The following ERBIN variants were observed in gnomAD, a reference collection of about 807,000 sequenced individuals.
ERBIN encodes erbb2 interacting protein, also known as densin-180-like protein.
ERBIN carries 60 observed loss-of-function variants against 158.4 expected under a neutral mutation model. The observed-to-expected ratio is 0.38, with a 90% confidence interval of 0.31 to 0.47. ERBIN has a LOEUF of 0.47. Among genes scored for constraint, ERBIN ranks in the 20% least tolerant of loss-of-function variants. ERBIN has a pLI of 0.99. For synonymous variants in ERBIN, 594 were observed against 557.2 expected (o/e 1.07, Z -0.93); for missense variants, 1,610 against 1,648.0 (o/e 0.98, Z 0.40).
intron 2 of ERBIN, among the ~76,000 whole-genome samples, chr5:65,991,114 C>T (rs74467276): frequency 0.04 from 6,109 of 152,192 alleles, 414 homozygotes; most frequent in African/African-American, 0.14. Context: ...TTCTTTGTCA[C>T]TTTTAAAATA....
chr5:66,061,271 G>A (rs1760277027), intron 21 of ERBIN, among the ~76,000 whole-genome samples: 1 of 152,172 alleles, frequency 6.6e-6, no homozygotes, highest in Non-Finnish European at 1.5e-5. Context: ...AGTTCTTGTT[G>A]AATTGATCCC....
intron 21 of ERBIN, among the ~76,000 whole-genome samples, chr5:66,064,848 T>C (rs1303474964): frequency 6.6e-6 from 1 of 152,164 alleles, no homozygotes; most frequent in Non-Finnish European, 1.5e-5. Flanking sequence ...AGATATTTGG[T>C]CATTAACCTT....
chr5:65,981,723 A>G (rs1382029377), intron 1 of ERBIN, among the ~76,000 whole-genome samples: 1 of 152,128 alleles, frequency 6.6e-6, no homozygotes, highest in African/African-American at 2.4e-5. Flanking sequence ...TTAAAACGAT[A>G]GCAGTTGACT....
chr5:65,940,180 G>T (rs1744674455), intron 1 of ERBIN, among the ~76,000 whole-genome samples: 1 of 150,478 alleles, frequency 6.6e-6, no homozygotes, highest in Non-Finnish European at 1.5e-5. Context: ...TAAGATGTGG[G>T]GAGCGCCTCT....
At chr5:65,975,068 T>C (rs1436939051) in intron 1 of ERBIN, among the ~76,000 whole-genome samples, 1 of 152,216 alleles carries the variant, frequency 6.6e-6, no homozygotes, top group Non-Finnish European at 1.5e-5. Flanking sequence ...ATTGCAGTGG[T>C]GTGATCTTGG....
rs1286388126 is a variant in ERBIN at position 66,018,506 on chromosome 5, T to TA, written c.534-2816_534-2815insA. On this transcript the variant is annotated intron_variant, in intron 7 of 25. Transcript: ENST00000284037. ...TATATATTATATTATATAATATATA[T>TA]TATATATTATATAATATATATTATA... is the stretch of plus-strand genomic sequence containing the variant. Among the ~76,000 whole-genome samples, 17 of 5,590 alleles carry TA rather than the reference T, an allele frequency of 3.0e-3. 2 individuals carry two copies. The highest frequency in any genetic ancestry group is 9.2e-3 in the African/African-American group (16 of 1,730). The allele number at this position is 5,590 out of a possible 152,430, so 3.7% of individuals were successfully genotyped here. A position where few individuals can be genotyped will look rare whatever the true frequency, so the allele number is the denominator to read the frequency against.
rs190487325 is a variant in ERBIN at position 65,928,246 on chromosome 5, C to G, written c.-58+1440C>G. Among the ~76,000 whole-genome samples the G allele has an allele frequency of 4.8e-3, 686 of 143,366 alleles. 3 individuals carry two copies. The highest frequency in any genetic ancestry group is 9.8e-3 in the South Asian group (44 of 4,476). The allele number at this position is 143,366 out of a possible 152,430, so 94.1% of individuals were successfully genotyped here. ...CCCCGGGGCATGGTCTCAGGAGATTCTTTTTTTTTTTCATTGTTGGTAAGA... is the reference window on the plus strand; with the variant it reads ...CCCCGGGGCATGGTCTCAGGAGATTGTTTTTTTTTTTCATTGTTGGTAAGA... On this transcript the variant is annotated intron_variant, in intron 1 of 25. Coordinates refer to ENST00000284037, the MANE Select transcript of ERBIN (RefSeq NM_001253697.2).
At chr5:66,031,133 A>ATG (rs1756827725) in intron 14 of ERBIN, among the ~76,000 whole-genome samples, 1 of 152,198 alleles carries the variant, frequency 6.6e-6, no homozygotes, top group Admixed American at 6.5e-5. Context: ...TAATTTTGCT[A>ATG]TGAAAGAATG....
At chr5:66,011,560 G>A (rs1327910552) in intron 4 of ERBIN, among the ~76,000 whole-genome samples, 1 of 152,128 alleles carries the variant, frequency 6.6e-6, no homozygotes, top group African/African-American at 2.4e-5. Context: ...GGTGGCGGGC[G>A]CCTGTAATCT....
Position 65,994,750 on chromosome 5 carries a change from C to G in ERBIN, c.193C>G (p.Leu65Val), listed in dbSNP as rs367775865. ...ANQIEELPKQ[L>V]FNCQSLHKLS... ...CTTTCCTCCCTTTTTTCAATAGCAA[C>G]TTTTTAACTGTCAGTCTTTACACAA... The change falls in exon 4 of 26, where the codon CTT becomes GTT. Residue 65 changes from leucine to valine, a missense_variant. Physicochemically the swap from Leu to Val is conservative, Grantham distance 32. This residue lies in a region of ERBIN where 596 missense variants were observed against 711.9 expected (regional missense o/e 0.84). Coordinates refer to ENST00000284037, the MANE Select transcript of ERBIN (RefSeq NM_001253697.2). The G allele has an allele frequency of 6.4e-7, 1 of 1,571,110 alleles. No individual in the cohort carries two copies. Among genetic ancestry groups the G allele is most frequent in the Non-Finnish European group, 8.6e-7 (1 of 1,159,376 alleles).
intron 4 of ERBIN, among the ~76,000 whole-genome samples, chr5:65,999,181 G>C (rs138541190): frequency 4.0e-5 from 6 of 150,888 alleles, no homozygotes; most frequent in African/African-American, 1.5e-4. Flanking sequence ...CCAGCCTGGC[G>C]AATGTGGACC....
chr5:65,949,820 GT>G (rs1040598942), intron 1 of ERBIN, among the ~76,000 whole-genome samples: 107 of 152,186 alleles, frequency 7.0e-4, no homozygotes, highest in African/African-American at 2.6e-3. Context: ...GTTGTATTTA[GT>G]TTTATGTCTT....
intron 21 of ERBIN, chr5:66,068,822 C>T (rs537983599): frequency 6.3e-6 from 9 of 1,435,656 alleles, no homozygotes; most frequent in South Asian, 2.9e-5. Flanking sequence ...TAACATGTCT[C>T]GTGGATTTTG....
At chr5:65,995,362 G>A (rs946543664) in intron 4 of ERBIN, among the ~76,000 whole-genome samples, 1 of 117,612 alleles carries the variant, frequency 8.5e-6, no homozygotes, top group Admixed American at 8.8e-5. Context: ...ATGTAAGTGA[G>A]CTTATGTGGT....
intron 2 of ERBIN, among the ~76,000 whole-genome samples, chr5:65,991,211 A>G (rs1751838439): frequency 6.6e-6 from 1 of 152,232 alleles, no homozygotes; most frequent in Non-Finnish European, 1.5e-5. Context: ...CACTAATACC[A>G]GATCCTGTCT....
chr5:66,072,241 T>C lies in ERBIN; in HGVS notation c.3706T>C (p.Ser1236Pro), dbSNP rs1580545181. ...GIFISGQQNYSSATLSHKDVP... is the reference protein window; with the variant it reads ...GIFISGQQNYPSATLSHKDVP... ...ATTCATTTCAGGACAGCAGAACTAC[T>C]CATCAGCCACACTTAGTCACAAAGA... The change falls in exon 22 of 26, where the codon TCA becomes CCA. Residue 1236 changes from serine to proline, a missense_variant. By Grantham distance (74) the Ser-to-Pro change is moderately conservative. This residue lies in a region of ERBIN where 1,014 missense variants were observed against 936.1 expected (regional missense o/e 1.08). Coordinates refer to ENST00000284037, the MANE Select transcript of ERBIN (RefSeq NM_001253697.2). The C allele has an allele frequency of 1.9e-6, 3 of 1,550,500 alleles. No homozygotes were observed. Among genetic ancestry groups the C allele is most frequent in the East Asian group, 4.9e-5 (2 of 40,860 alleles).
chr5:66,072,403 C>A, intron 22 of ERBIN, 112 bp downstream of exon 22: 1 of 1,059,912 alleles, frequency 9.4e-7, no homozygotes, highest in Non-Finnish European at 1.3e-6. Flanking sequence ...AGGGCTTTCC[C>A]CCCTTTATTA....
At chr5:65,962,606 G>A (rs1463351115) in intron 1 of ERBIN, among the ~76,000 whole-genome samples, 1 of 151,998 alleles carries the variant, frequency 6.6e-6, no homozygotes, top group South Asian at 2.1e-4. Context: ...ATTTAATACT[G>A]GGGAATTAAG....
intron 18 of ERBIN, among the ~76,000 whole-genome samples, chr5:66,048,145 G>A (rs1218456373): frequency 2.6e-5 from 4 of 151,608 alleles, no homozygotes; most frequent in Non-Finnish European, 4.4e-5. Flanking sequence ...AACATTTTAT[G>A]TTACTGAATA....
Sources: gnomAD v4.1 joint callset for allele counts (sites outside exome capture counted in the v4.1 genomes callset) on GRCh38, gnomAD v4.1.1 for gene constraint, gnomAD v4.1.1 regional missense constraint, MANE v1.5 for transcripts, NCBI Gene and HGNC (gene_info 2026-07-23, HGNC 2026-07-21) for gene names.